CIZ1: variants seen among roughly 807,000 people sequenced by gnomAD.
The protein encoded by CIZ1 is cip1-interacting zinc finger protein.
In CIZ1, 58 loss-of-function variants were observed where a neutral mutation model predicts 118.6. The observed-to-expected ratio is 0.49, with a 90% confidence interval of 0.40 to 0.61. The LOEUF (loss-of-function observed/expected upper bound fraction) is 0.61. CIZ1 is among the 20% of genes least tolerant of loss of function. CIZ1 has a pLI of 0.00. For missense variants in CIZ1, 921 were observed against 1,115.9 expected (o/e 0.83, Z 2.49); for synonymous variants, 448 against 443.4 (o/e 1.01, Z -0.13).
intron 1 of CIZ1, among the ~76,000 whole-genome samples, chr9:128,199,160 G>T (rs1007658429): frequency 6.6e-6 from 1 of 152,042 alleles, no homozygotes; most frequent in Admixed American, 6.6e-5. Context: ...CTGAGGTCAG[G>T]AGTTCAAGAC....
chr9:128,190,906 G>A, intron 1 of CIZ1, 44 bp from the exon 2 acceptor site: 1 of 1,503,550 alleles, frequency 6.7e-7, no homozygotes, highest in African/African-American at 1.4e-5. Flanking sequence ...CCCACCATAA[G>A]TCAGGCCTGC....
At chr9:128,176,324 A>G in intron 11 of CIZ1, 27 bp downstream of exon 11, 1 of 1,611,618 alleles carries the variant, frequency 6.2e-7, no homozygotes, top group Non-Finnish European at 8.5e-7. Context: ...ACCCCCCAAC[A>G]CAGAGCTTCC....
intron 14 of CIZ1, chr9:128,168,699 T>C: frequency 3.4e-6 from 1 of 291,660 alleles, no homozygotes; most frequent in Non-Finnish European, 6.7e-6. Flanking sequence ...ACACACTAAG[T>C]GCTCAAAAAG....
intron 11 of CIZ1, among the ~76,000 whole-genome samples, chr9:128,170,715 T>C (rs1830025062): frequency 6.6e-6 from 1 of 152,214 alleles, no homozygotes; most frequent in Non-Finnish European, 1.5e-5. Flanking sequence ...ATACAACAAA[T>C]TATGTCAGAA....
chr9:128,171,090 C>T (rs1183523633), intron 11 of CIZ1, among the ~76,000 whole-genome samples: 1 of 151,994 alleles, frequency 6.6e-6, no homozygotes, highest in Non-Finnish European at 1.5e-5. Context: ...TGCCACTGCA[C>T]TCCAGCTGGG....
intron 14 of CIZ1, chr9:128,168,722 G>C: frequency 3.2e-6 from 1 of 314,302 alleles, no homozygotes; most frequent in South Asian, 3.2e-5. Flanking sequence ...GTCTGCTGCT[G>C]TCAGTCTCTC....
In CIZ1 at chr9:128,176,456, G is replaced by C; in HGVS notation, c.1838C>G (p.Ser613Trp). The C allele has an allele frequency of 6.2e-7, 1 of 1,613,536 alleles. No homozygotes were observed. The highest frequency in any genetic ancestry group is 8.5e-7 in the Non-Finnish European group (1 of 1,179,932). Residue 613 changes from serine (S) to tryptophan (W), a missense_variant, in exon 11 of 17, where the codon TCG (serine) becomes TGG (tryptophan). Transcript: ENST00000372938. The part of the protein sequence containing the change: ...SSQQEFQDHM[S>W]EPQHQQRLGE... Reference sequence around the variant, plus strand: ...TAGCCGCTGCTGGTGCTGAGGCTCCGACATGTGGTCCTGGAACTCCTGCAG... The same window carrying C: ...TAGCCGCTGCTGGTGCTGAGGCTCCCACATGTGGTCCTGGAACTCCTGCAG...
At chr9:128,191,965 A>G, upstream of CIZ1, 2 of 1,368,672 alleles carry the variant, frequency 1.5e-6, no homozygotes, top group South Asian at 1.6e-5. This position sits in a 1 kb window ranked among gnomAD's most constrained non-coding sequence, Gnocchi z 5.5. Context: ...AGGCCAGGCG[A>G]GAGGGCGGCC....
chr9:128,195,412 G>T (rs1195157221), upstream of CIZ1, among the ~76,000 whole-genome samples: 3 of 152,098 alleles, frequency 2.0e-5, no homozygotes, highest in African/African-American at 4.8e-5. Context: ...CTGCCTCCTG[G>T]ATTTAAGTGA....
chr9:128,179,397 C>T lies in CIZ1; in HGVS notation c.810G>A (p.Glu270=). The T allele has an allele frequency of 6.2e-7, 1 of 1,600,866 alleles. No individual in the cohort carries two copies. The highest frequency in any genetic ancestry group is 8.5e-7 in the Non-Finnish European group (1 of 1,175,070). The stretch of plus-strand genomic sequence containing the variant: ...CCTGTAACTGCCCTGGAGGTTCCTT[C>T]TCTGTGGGCTCTTCTGAGCTAGGAA... ...KRLRSSEEPT[E]KEPPGQLQVK... The change falls in exon 8 of 17, where the codon GAG becomes GAA. Residue 270 remains glutamate, a synonymous_variant. Coordinates refer to ENST00000372938, the MANE Select transcript of CIZ1 (RefSeq NM_001131016.2).
Position 128,177,760 on chromosome 9 carries a change from A to T in CIZ1, c.1624T>A (p.Trp542Arg). The T allele has an allele frequency of 1.3e-6, 2 of 1,591,836 alleles. No homozygotes were observed. Among genetic ancestry groups the T allele is most frequent in the Non-Finnish European group, 1.7e-6 (2 of 1,169,906 alleles). ...ACCTTCAGGGAGCCCCCGGCGCCCC[A>T]TACCTGCATGGGGAGTAGGAACTGA... ...ENRAREMPGV[W>R]GAGGSLKVTI... The change falls in exon 10 of 17, where the codon TGG becomes AGG. Residue 542 changes from tryptophan (W) to arginine (R), a missense_variant. Transcript: ENST00000372938.
At chr9:128,191,694 G>A, upstream of CIZ1, 1 of 1,294,288 alleles carries the variant, frequency 7.7e-7, no homozygotes, top group Non-Finnish European at 9.8e-7. The surrounding 1 kb of genome is among the most constrained non-coding windows in gnomAD (Gnocchi z 5.5). Flanking sequence ...CGGCTGCGGG[G>A]CGCTAGCAGG....
chr9:128,172,727 A>G (rs1227757514), intron 11 of CIZ1, among the ~76,000 whole-genome samples: 1 of 152,206 alleles, frequency 6.6e-6, no homozygotes, highest in African/African-American at 2.4e-5. Context: ...AAGAAGAACT[A>G]GGTCAAAATG....
intron 1 of CIZ1, among the ~76,000 whole-genome samples, chr9:128,200,878 G>A (rs1010700427): frequency 2.6e-5 from 4 of 151,342 alleles, no homozygotes; most frequent in South Asian, 4.2e-4. Flanking sequence ...GCTCATTCCC[G>A]TAATCCCAAC....
chr9:128,187,974 A>T (rs769154539), intron 3 of CIZ1, 40 bp from the exon 4 acceptor site: 2 of 664,810 alleles, frequency 3.0e-6, no homozygotes, highest in African/African-American at 3.6e-5. Flanking sequence ...CAAGAGCCAT[A>T]AAACATCCAT....
chr9:128,178,240 A>T, intron 9 of CIZ1, 129 bp downstream of exon 9: 1 of 1,144,646 alleles, frequency 8.7e-7, no homozygotes, highest in Non-Finnish European at 1.2e-6. Flanking sequence ...TCCTAGGCAG[A>T]GGGCTGTCAT....
intron 11 of CIZ1, 109 bp downstream of exon 11, chr9:128,176,242 G>C (rs1488198576): frequency 2.2e-6 from 3 of 1,375,426 alleles, no homozygotes; most frequent in East Asian, 4.7e-5. Flanking sequence ...AGGCCTGGCT[G>C]GGGGTGCAGT....
At chr9:128,189,004 G>A (rs1417365205) in intron 3 of CIZ1, among the ~76,000 whole-genome samples, 2 of 152,128 alleles carry the variant, frequency 1.3e-5, no homozygotes, top group East Asian at 1.9e-4. Flanking sequence ...TCACCATGTT[G>A]GCCAGGATGG....
At position 128,177,595 on chromosome 9, in the gene CIZ1, T is replaced by C; in HGVS notation, c.1789A>G (p.Ile597Val). ...SKQALQFFCY[I>V]CKASCSSQQE... ...TGGCTGGAGCAGCTGGCCTTGCAGA[T>C]GTAGCAGAAGAACTGGAGGGCCTGC... The change falls in exon 10 of 17, where the codon ATC becomes GTC. Residue 597 changes from isoleucine to valine, a missense_variant. Transcript: ENST00000372938. 1 of 1,465,208 alleles carries C rather than the reference T, an allele frequency of 6.8e-7. No homozygotes were observed. Among genetic ancestry groups the C allele is most frequent in the Non-Finnish European group, 9.2e-7 (1 of 1,092,050 alleles). The allele number at this position is 1,465,208 out of a possible 1,614,324, so 90.8% of individuals were successfully genotyped here.
Sources: allele counts gnomAD v4.1 joint callset (sites outside exome capture counted in the v4.1 genomes callset), GRCh38; gene constraint gnomAD v4.1.1; non-coding constraint Gnocchi (gnomAD v3.1); transcripts MANE v1.5; gene names NCBI Gene and HGNC (gene_info 2026-07-23, HGNC 2026-07-21).